Variants in FBXO42 observed in about 807,000 individuals in gnomAD.
The protein encoded by FBXO42 is F-box only protein 42.
A neutral mutation model predicts 71.7 loss-of-function variants in FBXO42; 12 were observed. That is an observed-to-expected ratio of 0.17 (90% CI 0.11 to 0.27). FBXO42 has a LOEUF of 0.27. Among genes scored for constraint, FBXO42 ranks in the 10% least tolerant of loss-of-function variants. The pLI, the probability that FBXO42 is intolerant of heterozygous loss-of-function variation, is 1.00. For missense variants in FBXO42, 707 were observed against 911.9 expected, an observed-to-expected ratio of 0.78 and a Z score of 2.89; for synonymous variants, 325 against 327.5, an observed-to-expected ratio of 0.99 and a Z score of 0.08.
At chr1:16,292,886 T>C (rs1486153141) in intron 4 of FBXO42, 7 of 152,196 alleles carry the variant, frequency 4.6e-5, no homozygotes, top group Non-Finnish European at 1.5e-5. Context: ...GAAGATCTTC[T>C]ATATTTTAGA....
At chr1:16,323,906 T>C (rs563338008) in intron 1 of FBXO42, among the ~76,000 whole-genome samples, 6 of 151,126 alleles carry the variant, frequency 4.0e-5, no homozygotes, top group Non-Finnish European at 8.8e-5. Flanking sequence ...TCCCACAGCA[T>C]GAGGGCTTCT....
chr1:16,345,646 G>A (rs898940045), intron 1 of FBXO42, among the ~76,000 whole-genome samples: 1 of 151,562 alleles, frequency 6.6e-6, no homozygotes, highest in East Asian at 1.9e-4. Context: ...TCAGGAGATC[G>A]AGACCATCCT....
At chr1:16,337,423 A>G (rs1270344767) in intron 1 of FBXO42, among the ~76,000 whole-genome samples, 1 of 152,214 alleles carries the variant, frequency 6.6e-6, no homozygotes, top group Non-Finnish European at 1.5e-5. Flanking sequence ...GGAACATATT[A>G]TCAATTCTAA....
chr1:16,276,329 G>A (rs892285943), intron 4 of FBXO42, among the ~76,000 whole-genome samples: 2 of 147,708 alleles, frequency 1.4e-5, no homozygotes, highest in Admixed American at 6.8e-5. Context: ...GCAGTAAGCC[G>A]AGATCACACC....
At chr1:16,330,808 G>A (rs540723949) in intron 1 of FBXO42, among the ~76,000 whole-genome samples, 3 of 152,138 alleles carry the variant, frequency 2.0e-5, no homozygotes, top group African/African-American at 7.2e-5. Flanking sequence ...TGGGCATGGT[G>A]GTGGGCACCT....
rs995148002 is a variant in FBXO42 at position 16,248,222 on chromosome 1, A to C, written c.*2448T>G. The C allele has an allele frequency of 6.6e-6, 1 of 152,172 alleles. No individual in the cohort carries two copies. The highest frequency in any genetic ancestry group is 1.5e-5 in the Non-Finnish European group (1 of 68,034). The allele number at this position is 152,172 out of a possible 1,614,324, so 9.4% of individuals were successfully genotyped here. On this transcript the variant is annotated 3_prime_UTR_variant, in exon 10 of 10. Transcript: ENST00000375592. Reference sequence around the variant, plus strand: ...GTGGCTTCAGGAGGCCTGAGGAGACAATCACCTTCACTGTGTTGAATCACT... The same window carrying C: ...GTGGCTTCAGGAGGCCTGAGGAGACCATCACCTTCACTGTGTTGAATCACT...
chr1:16,302,368 TTTATAA>T (rs2082204141), intron 3 of FBXO42, among the ~76,000 whole-genome samples: 2 of 152,118 alleles, frequency 1.3e-5, no homozygotes, highest in Admixed American at 6.6e-5. Context: ...GACTGGGTAA[TTTATAA>T]AGGAAAGAGG....
At chr1:16,350,842 G>C (rs2082697438) in intron 1 of FBXO42, among the ~76,000 whole-genome samples, 4 of 150,858 alleles carry the variant, frequency 2.7e-5, no homozygotes, top group African/African-American at 9.8e-5. Flanking sequence ...ACAATGAAAA[G>C]CTTTTTAAGA....
chr1:16,342,690 GT>G (rs1397195283), intron 1 of FBXO42, among the ~76,000 whole-genome samples: 1 of 151,976 alleles, frequency 6.6e-6, no homozygotes, highest in African/African-American at 2.4e-5. Context: ...TACTGCTATG[GT>G]TTAGATAAGG....
At chr1:16,293,857 T>A (rs2082103673) in intron 4 of FBXO42, 1 of 152,224 alleles carries the variant, frequency 6.6e-6, no homozygotes, top group African/African-American at 2.4e-5. Context: ...ATAACTTATT[T>A]ATAGTTACAT....
At chr1:16,332,358 G>T (rs1180783484) in intron 1 of FBXO42, among the ~76,000 whole-genome samples, 1 of 152,020 alleles carries the variant, frequency 6.6e-6, no homozygotes, top group Non-Finnish European at 1.5e-5. Flanking sequence ...TTGAATGAAG[G>T]AAGATTAAAT....
intron 1 of FBXO42, among the ~76,000 whole-genome samples, chr1:16,333,209 G>A (rs908714062): frequency 2.6e-5 from 4 of 152,242 alleles, no homozygotes; most frequent in Middle Eastern, 3.4e-3. Flanking sequence ...TTTGTTGAGA[G>A]AGGTGGCCTA....
rs137977757 is a variant in FBXO42, at chr1:16,320,285, G to A, written c.-17-4850C>T. Among the ~76,000 whole-genome samples, 1,223 of 149,684 alleles carry A rather than the reference G, an allele frequency of 8.2e-3. 10 individuals are homozygous for A. The highest frequency in any genetic ancestry group is 0.029 in the African/African-American group (1,163 of 40,652). Reference sequence around the variant, plus strand: ...CTGAGGCAGGAGAATCACTTGAACTGGAGAGGTGGAAGTTGCAGTAAGCCG... The same window carrying A: ...CTGAGGCAGGAGAATCACTTGAACTAGAGAGGTGGAAGTTGCAGTAAGCCG... On this transcript the variant is annotated intron_variant, in intron 1 of 9. Coordinates refer to ENST00000375592, the MANE Select transcript of FBXO42 (RefSeq NM_018994.3).
At chr1:16,312,331 C>T (rs1035972845) in intron 2 of FBXO42, among the ~76,000 whole-genome samples, 4 of 152,126 alleles carry the variant, frequency 2.6e-5, no homozygotes, top group Non-Finnish European at 5.9e-5. Context: ...CAATGCACTC[C>T]AGCCTGGGCA....
At chr1:16,312,805 T>C (rs2082325830) in intron 2 of FBXO42, among the ~76,000 whole-genome samples, 2 of 151,868 alleles carry the variant, frequency 1.3e-5, no homozygotes, top group African/African-American at 4.8e-5. Context: ...TTGCTTTTTT[T>C]TTTTTTTGAG....
rs60358251 is a variant in FBXO42 at position 16,350,573 on chromosome 1, CAAAA to C, written c.-18+1678_-18+1681del. The stretch of plus-strand genomic sequence containing the variant: ...TGAAACCCCGTCTCTACTAAAATTA[CAAAA>C]AAAAAAAAAAAAAAAAAAAAATTAG... On this transcript the variant is annotated intron_variant, in intron 1 of 9. Transcript: ENST00000375592. Among the ~76,000 whole-genome samples the C allele has an allele frequency of 4.0e-3, 265 of 66,780 alleles. No individual in the cohort carries two copies. In the South Asian group the frequency reaches 0.047, roughly 12 times the overall value. The allele number at this position is 66,780 out of a possible 152,430, so 43.8% of individuals were successfully genotyped here. A position where few individuals can be genotyped will look rare whatever the true frequency, so the allele number is the denominator to read the frequency against.
intron 3 of FBXO42, among the ~76,000 whole-genome samples, chr1:16,300,555 A>AAT: frequency 6.6e-6 from 1 of 152,200 alleles, no homozygotes; most frequent in East Asian, 1.9e-4. Context: ...GTCTCCAGGG[A>AAT]AAGATCCTGA....
In FBXO42 at chr1:16,282,472, C is replaced by T. The variant is rs1274236978; in HGVS notation, c.502+12311G>A. ...AACTCCTGATCTCAGGTGATCCACCCGCCTCGGCCTCCCAAAGTGCTGTGA... is the reference window on the plus strand; with the variant it reads ...AACTCCTGATCTCAGGTGATCCACCTGCCTCGGCCTCCCAAAGTGCTGTGA... On this transcript the variant is annotated intron_variant, in intron 4 of 9. Transcript: ENST00000375592. Among the ~76,000 whole-genome samples the T allele has an allele frequency of 3.3e-5, 5 of 150,758 alleles. No homozygotes were observed. In the East Asian group the frequency reaches 8.1e-4, roughly 24 times the overall value.
At chr1:16,309,954 G>C (rs551763844) in intron 2 of FBXO42, among the ~76,000 whole-genome samples, 94 of 152,160 alleles carry the variant, frequency 6.2e-4, no homozygotes, top group African/African-American at 2.3e-3. Context: ...CCAGCACTTT[G>C]GGAGGCCAAG....
Sources: allele counts gnomAD v4.1 joint callset (sites outside exome capture counted in the v4.1 genomes callset), GRCh38; gene constraint gnomAD v4.1.1; transcripts MANE v1.5; gene names NCBI Gene and HGNC (gene_info 2026-07-23, HGNC 2026-07-21).